ANKRD28: variants seen among roughly 807,000 people sequenced by gnomAD.
The protein encoded by ANKRD28 is ankyrin repeat domain 28, also known as serine/threonine-protein phosphatase 6 regulatory ankyrin repeat subunit A.
Under a neutral mutation model 126.5 loss-of-function variants are expected in ANKRD28, and 44 were observed. The observed-to-expected ratio is 0.35, with a 90% CI of 0.27 to 0.45. The LOEUF is 0.45. ANKRD28 is among the 20% of genes least tolerant of loss of function. The pLI, the probability that ANKRD28 is intolerant of heterozygous loss-of-function variation, is 1.00. For missense variants in ANKRD28, 1,110 were observed against 1,316.6 expected (o/e 0.84, Z 2.43); for synonymous variants, 442 against 468.5 (o/e 0.94, Z 0.73).
intron 1 of ANKRD28, among the ~76,000 whole-genome samples, chr3:15,828,107 T>C (rs76088431): frequency 0.025 from 3,789 of 152,230 alleles, 165 homozygotes; most frequent in African/African-American, 0.085. Flanking sequence ...AGTTAATGTA[T>C]AAAATATATG....
intron 2 of ANKRD28, among the ~76,000 whole-genome samples, chr3:15,772,984 T>A (rs1388618482): frequency 1.3e-5 from 2 of 152,110 alleles, no homozygotes; most frequent in Non-Finnish European, 2.9e-5. Flanking sequence ...GAGATAGGAA[T>A]GAGGCAAAAA....
chr3:15,825,030 G>A (rs1178054983), intron 1 of ANKRD28, among the ~76,000 whole-genome samples: 1 of 152,124 alleles, frequency 6.6e-6, no homozygotes, highest in Non-Finnish European at 1.5e-5. Flanking sequence ...GTTAAAAGGG[G>A]GAGAAAATCA....
intron 2 of ANKRD28, among the ~76,000 whole-genome samples, chr3:15,785,732 G>A (rs777817732): frequency 7.2e-5 from 11 of 151,818 alleles, no homozygotes; most frequent in Admixed American, 2.0e-4. Context: ...GAAAATATAC[G>A]TCCCAACAAA....
At chr3:15,857,264 G>A (rs2061793955) in intron 1 of ANKRD28, among the ~76,000 whole-genome samples, 1 of 152,158 alleles carries the variant, frequency 6.6e-6, no homozygotes, top group Admixed American at 6.5e-5. Flanking sequence ...TTCTCCCTGA[G>A]CCATTAGGTT....
At chr3:15,712,416 T>C (rs759272803) in intron 10 of ANKRD28, among the ~76,000 whole-genome samples, 194 bp from the exon 11 acceptor site, 12 of 152,216 alleles carry the variant, frequency 7.9e-5, no homozygotes, top group Non-Finnish European at 1.5e-4. Context: ...AAAAGTCAGG[T>C]TTCTCACCTT....
At chr3:15,710,361 T>A (rs1254803724) in intron 12 of ANKRD28, among the ~76,000 whole-genome samples, 1 of 152,342 alleles carries the variant, frequency 6.6e-6, no homozygotes, top group African/African-American at 2.4e-5. Context: ...AACTGTCAAG[T>A]GATCAGACAC....
At chr3:15,850,257 A>AGAGAGG (rs2061623040) in intron 1 of ANKRD28, among the ~76,000 whole-genome samples, 1 of 141,858 alleles carries the variant, frequency 7.0e-6, no homozygotes, top group Non-Finnish European at 1.5e-5. Flanking sequence ...AGAGAGAGAG[A>AGAGAGG]GAGAGAAAGT....
At chr3:15,813,454 C>T (rs1323167446) in intron 1 of ANKRD28, among the ~76,000 whole-genome samples, 1 of 152,072 alleles carries the variant, frequency 6.6e-6, no homozygotes, top group Non-Finnish European at 1.5e-5. Context: ...ATTCTTTGTT[C>T]TGAAACAACT....
intron 3 of ANKRD28, among the ~76,000 whole-genome samples, chr3:15,755,335 G>T (rs2125416287): frequency 6.6e-6 from 1 of 152,186 alleles, no homozygotes; most frequent in South Asian, 2.1e-4. Context: ...ACACAGTAAT[G>T]TACACTACAA....
In ANKRD28 at chr3:15,686,003, C is replaced by G; in HGVS notation, c.2168G>C (p.Gly723Ala). 5 of 1,612,074 alleles carry G rather than the reference C, an allele frequency of 3.1e-6. No individual in the cohort carries two copies. The highest frequency in any genetic ancestry group is 4.2e-6 in the Non-Finnish European group (5 of 1,178,850). ...DKWGRTALHR[G>A]AVTGHEECVD... is the part of the protein sequence containing the mutation. ...AGGAAAGAGCATATTTCTGCTTACC[C>G]CTCTATGCAACGCTGTCCTTCCCCA... Residue 723 changes from glycine to alanine, a missense_variant and splice_region_variant, in exon 20 of 28, where the codon GGG becomes GCG. Transcript: ENST00000683139.
chr3:15,704,245 C>G (rs1280649284), intron 14 of ANKRD28, among the ~76,000 whole-genome samples: 1 of 151,894 alleles, frequency 6.6e-6, no homozygotes, highest in Non-Finnish European at 1.5e-5. Flanking sequence ...GACTGTCTAC[C>G]AAGAACGCAG....
Position 15,670,282 on chromosome 3 carries a change from A to C in ANKRD28, c.3240T>G (p.Ser1080=). The C allele has an allele frequency of 6.2e-7, 1 of 1,613,088 alleles. No individual in the cohort carries two copies. Among genetic ancestry groups the C allele is most frequent in the Admixed American group, 1.7e-5 (1 of 60,008 alleles). Residue 1080 remains serine (S), a synonymous_variant, in exon 28 of 28, where the codon TCT becomes TCG. Coordinates refer to ENST00000683139, the MANE Select transcript of ANKRD28 (RefSeq NM_001349278.2). ...CCTCCTCAGCCTCTCAGTAGGTCTC[A>C]GAATCGGAGTCGTTGAGCTCATCCA... is the stretch of plus-strand genomic sequence containing the variant. The part of the protein sequence containing the change: ...TDVDELNDSD[S]ETY
chr3:15,731,848 CAAAAAAAAAAAAAA>C, intron 6 of ANKRD28: 1 of 4,522 alleles, frequency 2.2e-4, no homozygotes, highest in African/African-American at 6.3e-4. Context: ...GAAACTGTCT[CAAAAAAAAAAAAAA>C]AAAAAAAAAA....
At chr3:15,744,840 C>T (rs111352661) in intron 4 of ANKRD28, among the ~76,000 whole-genome samples, 1 of 152,196 alleles carries the variant, frequency 6.6e-6, no homozygotes, top group South Asian at 2.1e-4. Context: ...AATGGTTGTA[C>T]TAGTTTACAT....
At chr3:15,794,464 C>G (rs1198110142) in intron 2 of ANKRD28, among the ~76,000 whole-genome samples, 1 of 152,142 alleles carries the variant, frequency 6.6e-6, no homozygotes, top group Admixed American at 6.5e-5. Flanking sequence ...TTCACCCCCT[C>G]CATAACTCAG....
Position 15,795,247 on chromosome 3 carries a change from A to G in ANKRD28, c.177T>C (p.Phe59=). The G allele has an allele frequency of 6.2e-7, 1 of 1,612,366 alleles. No homozygotes were observed. The highest frequency in any genetic ancestry group is 8.5e-7 in the Non-Finnish European group (1 of 1,178,602). ...GDPDEVRALI[F]KKEDVNFQDN... is the part of the protein sequence containing the mutation. ...CCTGAAAGTTAACATCTTCTTTCTT[A>G]AATATTAGTGCTCGAACTTCATCAG... The change falls in exon 2 of 28, where the codon TTT becomes TTC. Residue 59 remains phenylalanine (F), a synonymous_variant. Coordinates refer to ENST00000683139, the MANE Select transcript of ANKRD28 (RefSeq NM_001349278.2).
At chr3:15,835,230 C>T (rs994925335) in intron 1 of ANKRD28, among the ~76,000 whole-genome samples, 1 of 152,136 alleles carries the variant, frequency 6.6e-6, no homozygotes, top group Non-Finnish European at 1.5e-5. Context: ...TTTTTCAATA[C>T]ACACCTCATT....
chr3:15,695,168 G>T lies in ANKRD28; in HGVS notation c.1686+20C>A. The T allele has an allele frequency of 1.3e-6, 2 of 1,582,892 alleles. No individual in the cohort carries two copies. Among genetic ancestry groups the T allele is most frequent in the Non-Finnish European group, 1.7e-6 (2 of 1,156,656 alleles). On this transcript the variant is annotated intron_variant, in intron 16 of 27. Transcript: ENST00000683139. ...AACTGACCAATACTAATTGGTGGGAGGGAATTGACTAATACTTACAACATC... is the reference window on the plus strand; with the variant it reads ...AACTGACCAATACTAATTGGTGGGATGGAATTGACTAATACTTACAACATC...
intron 6 of ANKRD28, among the ~76,000 whole-genome samples, chr3:15,728,846 T>C (rs1328000908): frequency 6.6e-6 from 1 of 152,216 alleles, no homozygotes; most frequent in Non-Finnish European, 1.5e-5. Flanking sequence ...TACTCACCAT[T>C]GTAACCATGA....
Sources: allele counts gnomAD v4.1 joint callset (sites outside exome capture counted in the v4.1 genomes callset), GRCh38; gene constraint gnomAD v4.1.1; transcripts MANE v1.5; gene names NCBI Gene and HGNC (gene_info 2026-07-23, HGNC 2026-07-21).